Variants in ADAMTS3 observed in about 807,000 individuals in gnomAD.
The protein encoded by ADAMTS3 is A disintegrin and metalloproteinase with thrombospondin motifs 3.
ADAMTS3 carries 73 observed loss-of-function variants against 129.0 expected under a neutral mutation model. The observed-to-expected ratio is 0.57, with a 90% CI of 0.47 to 0.69. The LOEUF is 0.69. Ranked by LOEUF, ADAMTS3 falls within the 30% of genes least tolerant of loss-of-function variation. ADAMTS3 has a pLI of 0.00. For synonymous variants in ADAMTS3, 477 were observed against 510.8 expected, an observed-to-expected ratio of 0.93 and a Z score of 0.89; for missense variants, 1,457 against 1,514.5, an observed-to-expected ratio of 0.96 and a Z score of 0.63.
chr4:72,300,831 C>T (rs751698641), intron 17 of ADAMTS3, among the ~76,000 whole-genome samples: 49 of 152,190 alleles, frequency 3.2e-4, no homozygotes, highest in Non-Finnish European at 6.0e-4. Context: ...GACTGCTACC[C>T]ACCACATGGA....
chr4:72,300,989 G>T (rs1718936278), intron 17 of ADAMTS3, among the ~76,000 whole-genome samples: 1 of 152,104 alleles, frequency 6.6e-6, no homozygotes, highest in East Asian at 1.9e-4. Flanking sequence ...CAGTTAAGTG[G>T]TGTCCAGATA....
intron 3 of ADAMTS3, among the ~76,000 whole-genome samples, chr4:72,470,020 T>C (rs1560527926): frequency 2.0e-5 from 3 of 152,144 alleles, no homozygotes; most frequent in African/African-American, 7.2e-5. Context: ...GGGGGTTGGT[T>C]GCCCAACCTC....
In ADAMTS3 at chr4:72,488,984, A is replaced by G. The variant is rs575273119; in HGVS notation, c.504+59494T>C. 1.7e-4 allele frequency among the ~76,000 whole-genome samples: 26 copies of G among 151,982 alleles called. 1 individual carries two copies. The South Asian group carries it at 5.4e-3, about 32-fold the overall frequency. ...AATCTTCCTTCTACTCTCCATTTCT[A>G]TAAGTTGACTTTTTTATATTCCACA... is the stretch of plus-strand genomic sequence containing the variant. On this transcript the variant is annotated intron_variant, in intron 3 of 21. Transcript: ENST00000286657.
chr4:72,340,053 G>A (rs1291795435), intron 4 of ADAMTS3, among the ~76,000 whole-genome samples: 1 of 152,096 alleles, frequency 6.6e-6, no homozygotes, highest in African/African-American at 2.4e-5. Flanking sequence ...AATAAATTGA[G>A]ATTACAAATA....
intron 3 of ADAMTS3, among the ~76,000 whole-genome samples, chr4:72,436,280 G>T (rs1717916424): frequency 1.3e-5 from 2 of 152,154 alleles, no homozygotes; most frequent in Non-Finnish European, 1.5e-5. Context: ...GGCCATCAGA[G>T]AAATGCAAAT....
chr4:72,461,467 C>T (rs906276231), intron 3 of ADAMTS3, among the ~76,000 whole-genome samples: 2 of 151,698 alleles, frequency 1.3e-5, no homozygotes, highest in African/African-American at 4.8e-5. Context: ...TCAATTCCAT[C>T]TGTTAGTGGC....
At chr4:72,388,056 T>C (rs1721492923) in intron 4 of ADAMTS3, among the ~76,000 whole-genome samples, 1 of 152,196 alleles carries the variant, frequency 6.6e-6, no homozygotes, top group South Asian at 2.1e-4. Flanking sequence ...GACTACTTTG[T>C]AAAGAGGAGA....
chr4:72,490,430 A>G (rs183588507), intron 3 of ADAMTS3, among the ~76,000 whole-genome samples: 1 of 152,006 alleles, frequency 6.6e-6, no homozygotes, highest in African/African-American at 2.4e-5. Flanking sequence ...TGCCCAGACT[A>G]ATGTCATGAA....
intron 3 of ADAMTS3, among the ~76,000 whole-genome samples, chr4:72,501,361 T>C (rs1001357123): frequency 6.6e-6 from 1 of 152,152 alleles, no homozygotes; most frequent in African/African-American, 2.4e-5. Context: ...AGGTATTTTA[T>C]GTATATTTAT....
At chr4:72,504,123 C>T (rs1431882341) in intron 3 of ADAMTS3, among the ~76,000 whole-genome samples, 1 of 152,088 alleles carries the variant, frequency 6.6e-6, no homozygotes, top group Admixed American at 6.6e-5. Flanking sequence ...GGTTTTGATG[C>T]TATCATGAAG....
chr4:72,313,167 G>C (rs996874933), intron 12 of ADAMTS3, among the ~76,000 whole-genome samples: 1 of 152,128 alleles, frequency 6.6e-6, no homozygotes, highest in African/African-American at 2.4e-5. Flanking sequence ...CGTAAAGATT[G>C]CTGAGCACAC....
intron 9 of ADAMTS3, 63 bp from the exon 10 acceptor site, chr4:72,318,767 A>T (rs1232455715): frequency 6.4e-5 from 94 of 1,478,040 alleles, no homozygotes; most frequent in Non-Finnish European, 7.3e-5. Context: ...GTCCTGATTT[A>T]AAAAAAAGTA....
intron 3 of ADAMTS3, among the ~76,000 whole-genome samples, chr4:72,416,200 T>TATAA (rs572356539): frequency 7.4e-5 from 11 of 148,150 alleles, no homozygotes; most frequent in Non-Finnish European, 1.2e-4. Flanking sequence ...CATATATGTA[T>TATAA]ATAAATAAAT....
chr4:72,421,434 G>T (rs1199828916), intron 3 of ADAMTS3, among the ~76,000 whole-genome samples: 1 of 152,194 alleles, frequency 6.6e-6, no homozygotes, highest in Non-Finnish European at 1.5e-5. Flanking sequence ...ACTTGAGGGA[G>T]CATGGGAGAA....
At chr4:72,399,161 C>T (rs1190013950) in intron 4 of ADAMTS3, among the ~76,000 whole-genome samples, 2 of 152,090 alleles carry the variant, frequency 1.3e-5, no homozygotes, top group Non-Finnish European at 2.9e-5. Flanking sequence ...TCTGGCCATG[C>T]GTGAGCCATC....
chr4:72,365,650 A>C (rs1446174427), intron 4 of ADAMTS3, among the ~76,000 whole-genome samples: 2 of 152,206 alleles, frequency 1.3e-5, no homozygotes, highest in Non-Finnish European at 2.9e-5. Flanking sequence ...ATAGTAAAGT[A>C]TCCGGAACAT....
At chr4:72,437,113 C>T (rs1185766931) in intron 3 of ADAMTS3, among the ~76,000 whole-genome samples, 6 of 151,744 alleles carry the variant, frequency 4.0e-5, no homozygotes, top group Non-Finnish European at 8.8e-5. Context: ...TTCAACATGA[C>T]AATAGTTAAA....
intron 2 of ADAMTS3, among the ~76,000 whole-genome samples, chr4:72,558,513 C>T (rs924453956): frequency 1.3e-5 from 2 of 151,690 alleles, no homozygotes; most frequent in African/African-American, 4.9e-5. Flanking sequence ...ATTTTAAGGT[C>T]ATTTGATTGT....
At chr4:72,565,119 C>G (rs1721991578) in intron 2 of ADAMTS3, among the ~76,000 whole-genome samples, 1 of 152,142 alleles carries the variant, frequency 6.6e-6, no homozygotes, top group African/African-American at 2.4e-5. Context: ...TACTACACTT[C>G]AGTAGAAAGT....
Sources: allele counts gnomAD v4.1 joint callset (sites outside exome capture counted in the v4.1 genomes callset), GRCh38; gene constraint gnomAD v4.1.1; transcripts MANE v1.5; gene names NCBI Gene and HGNC (gene_info 2026-07-23, HGNC 2026-07-21).